PARD3B: variants seen among roughly 807,000 people sequenced by gnomAD.
PARD3B encodes par-3 family cell polarity regulator beta.
A neutral mutation model predicts 130.2 loss-of-function variants in PARD3B; 103 were observed. That is an observed-to-expected ratio of 0.79 (90% CI 0.67 to 0.93). PARD3B has a LOEUF of 0.93. Among genes scored for constraint, PARD3B ranks in the 40% least tolerant of loss-of-function variants. The probability of loss-of-function intolerance (pLI) is 0.00; values close to 1 mark genes in which losing one functional copy is unlikely to be tolerated. For synonymous variants in PARD3B, 583 were observed against 553.2 expected (o/e 1.05, Z -0.76); for missense variants, 1,609 against 1,499.2 (o/e 1.07, Z -1.21).
intron 12 of PARD3B, among the ~76,000 whole-genome samples, chr2:205,172,975 T>C (rs1476760753): frequency 6.6e-6 from 1 of 152,098 alleles, no homozygotes; most frequent in Non-Finnish European, 1.5e-5. Flanking sequence ...TTAATAATAA[T>C]ATTCCTAACA....
chr2:204,764,428 G>A (rs192273203), intron 2 of PARD3B, among the ~76,000 whole-genome samples: 19 of 152,160 alleles, frequency 1.2e-4, no homozygotes, highest in South Asian at 4.1e-4. Context: ...AAGTTCCCCC[G>A]TGCAAATTCC....
At chr2:205,124,022 T>C (rs775537416) in intron 8 of PARD3B, among the ~76,000 whole-genome samples, 1 of 152,218 alleles carries the variant, frequency 6.6e-6, no homozygotes, top group Non-Finnish European at 1.5e-5. Flanking sequence ...AGTCAGGTTA[T>C]GGTTTATTGA....
At chr2:205,376,777 G>A (rs765029633) in intron 18 of PARD3B, among the ~76,000 whole-genome samples, 62 of 152,272 alleles carry the variant, frequency 4.1e-4, no homozygotes, top group Admixed American at 4.6e-4. Context: ...ATTGGAGGTT[G>A]TATGTAGGTG....
At chr2:204,810,344 C>T (rs1002836139) in intron 2 of PARD3B, among the ~76,000 whole-genome samples, 1 of 152,074 alleles carries the variant, frequency 6.6e-6, no homozygotes, top group African/African-American at 2.4e-5. Context: ...GGAATGTTTC[C>T]AGTTTTTCCC....
In PARD3B at chr2:205,563,842, C is replaced by T. The variant is rs2053226422; in HGVS notation, c.3260+10439C>T. Among the ~76,000 whole-genome samples the T allele has an allele frequency of 6.6e-6, 1 of 152,082 alleles. No homozygotes were observed. ...ACATACACAGAGATGTGAGTGGCGC[C>T]CCCTAGGGCTGCACAGACCATGTGC... On this transcript the variant is annotated intron_variant, in intron 22 of 22. Coordinates refer to ENST00000406610, the MANE Select transcript of PARD3B (RefSeq NM_001302769.2). This position sits in a 1 kb window ranked among gnomAD's most constrained non-coding sequence, Gnocchi z 4.2.
rs576397317 is a variant in PARD3B, at chr2:205,183,482, C to T, written c.1925-2282C>T. On this transcript the variant is annotated intron_variant, in intron 13 of 22. Coordinates refer to ENST00000406610, the MANE Select transcript of PARD3B (RefSeq NM_001302769.2). The surrounding 1 kb of genome is among the most constrained non-coding windows in gnomAD (Gnocchi z 5.2). The stretch of plus-strand genomic sequence containing the variant: ...CTCTTAGCAAGTCTTGAATGCCTGA[C>T]TGCTGCCACCACTAACAAATCAATG... Among the ~76,000 whole-genome samples the T allele has an allele frequency of 3.5e-3, 531 of 152,254 alleles. 1 individual carries two copies. The highest frequency in any genetic ancestry group is 4.9e-3 in the Non-Finnish European group (333 of 67,998).
chr2:204,935,346 G>T (rs368517576), intron 2 of PARD3B, among the ~76,000 whole-genome samples: 58 of 146,970 alleles, frequency 3.9e-4, no homozygotes, highest in African/African-American at 1.4e-3. Flanking sequence ...TGGCTAACAC[G>T]GTGAAACCCT....
At chr2:205,434,488 GT>G (rs1241065502) in intron 19 of PARD3B, among the ~76,000 whole-genome samples, 3 of 152,092 alleles carry the variant, frequency 2.0e-5, no homozygotes, top group African/African-American at 7.2e-5. Flanking sequence ...AATCATAAAA[GT>G]TTTTTAATTG....
intron 18 of PARD3B, among the ~76,000 whole-genome samples, chr2:205,369,839 T>A (rs1389066141): frequency 6.6e-6 from 1 of 152,218 alleles, no homozygotes; most frequent in African/African-American, 2.4e-5. Flanking sequence ...AGAAGTAGAA[T>A]GTTTTTGTTG....
At chr2:205,345,816 A>G (rs2043732825) in intron 18 of PARD3B, among the ~76,000 whole-genome samples, 1 of 32,628 alleles carries the variant, frequency 3.1e-5, no homozygotes, top group African/African-American at 4.4e-5. Context: ...ATGATGCTTT[A>G]CAAAAATACC....
At chr2:204,600,971 G>A (rs554822603) in intron 1 of PARD3B, among the ~76,000 whole-genome samples, 7 of 151,706 alleles carry the variant, frequency 4.6e-5, no homozygotes, top group Non-Finnish European at 1.0e-4. Flanking sequence ...TGAACTTGGG[G>A]ATTTTGTTTG....
chr2:205,379,392 G>A (rs973493545), intron 18 of PARD3B, among the ~76,000 whole-genome samples: 1 of 151,936 alleles, frequency 6.6e-6, no homozygotes, highest in Non-Finnish European at 1.5e-5. Flanking sequence ...AAATCTACAT[G>A]TGCATGCTGA....
intron 15 of PARD3B, among the ~76,000 whole-genome samples, chr2:205,196,216 A>G (rs542626356): frequency 1.1e-4 from 17 of 152,324 alleles, no homozygotes; most frequent in South Asian, 2.1e-4. Flanking sequence ...CACATCACAT[A>G]TCATTTCTTT....
intron 10 of PARD3B, among the ~76,000 whole-genome samples, chr2:205,127,206 A>G (rs1003305301): frequency 4.6e-5 from 7 of 150,612 alleles, no homozygotes; most frequent in Admixed American, 2.0e-4. Context: ...CTGAGACAGG[A>G]GAATTGCTTG....
intron 1 of PARD3B, among the ~76,000 whole-genome samples, chr2:204,597,997 G>T (rs2033366431): frequency 6.6e-6 from 1 of 152,136 alleles, no homozygotes; most frequent in South Asian, 2.1e-4. Flanking sequence ...TTATTGTTAT[G>T]TGTAAGAGCA....
intron 1 of PARD3B, among the ~76,000 whole-genome samples, chr2:204,569,785 T>A (rs2031883414): frequency 6.6e-6 from 1 of 152,218 alleles, no homozygotes; most frequent in Non-Finnish European, 1.5e-5. Flanking sequence ...ATGAGAGCAC[T>A]CTAAGAAAAC....
chr2:205,143,818 T>C (rs567469827), intron 10 of PARD3B, among the ~76,000 whole-genome samples: 3 of 152,084 alleles, frequency 2.0e-5, no homozygotes, highest in Non-Finnish European at 4.4e-5. Context: ...CAAACCAAGA[T>C]GCTACTCTGA....
At chr2:204,554,142 G>T (rs918042743) in intron 1 of PARD3B, among the ~76,000 whole-genome samples, 3 of 151,970 alleles carry the variant, frequency 2.0e-5, no homozygotes, top group African/African-American at 7.3e-5. Context: ...CAGGCTCTTT[G>T]GTTGTTCCTT....
Position 204,799,724 on chromosome 2 carries a change from T to C in PARD3B, c.222+113442T>C. On this transcript the variant is annotated intron_variant, in intron 2 of 22. Coordinates refer to ENST00000406610, the MANE Select transcript of PARD3B (RefSeq NM_001302769.2). The surrounding 1 kb of genome is among the most constrained non-coding windows in gnomAD (Gnocchi z 4.1). ...AGGGAAGAGAACAAGAGTCTCTGCC[T>C]GGTAATCCAGGGACTTCTCCCAGAT... Among the ~76,000 whole-genome samples the C allele has an allele frequency of 6.6e-6, 1 of 152,216 alleles. No homozygotes were observed. Among genetic ancestry groups the C allele is most frequent in the South Asian group, 2.1e-4 (1 of 4,834 alleles).
Sources: allele counts gnomAD v4.1 joint callset (sites outside exome capture counted in the v4.1 genomes callset), GRCh38; gene constraint gnomAD v4.1.1; non-coding constraint Gnocchi (gnomAD v3.1); transcripts MANE v1.5; gene names NCBI Gene and HGNC (gene_info 2026-07-23, HGNC 2026-07-21).